Variants in HCN1 observed in about 807,000 individuals in gnomAD.
HCN1 encodes the protein hyperpolarization activated cyclic nucleotide gated potassium channel 1.
In HCN1, 13 loss-of-function variants were observed where a neutral mutation model predicts 78.9. That is an observed-to-expected ratio of 0.16 (90% CI 0.11 to 0.26). The LOEUF (loss-of-function observed/expected upper bound fraction) is 0.26. Among genes scored for constraint, HCN1 ranks in the 10% least tolerant of loss-of-function variants. The pLI, the probability that HCN1 is intolerant of heterozygous loss-of-function variation, is 1.00. For synonymous variants in HCN1, 552 were observed against 455.5 expected (o/e 1.21, Z -2.70); for missense variants, 810 against 1,154.3 (o/e 0.70, Z 4.32).
chr5:45,359,395 A>G (rs1747067216), intron 4 of HCN1, among the ~76,000 whole-genome samples: 1 of 142,858 alleles, frequency 7.0e-6, no homozygotes, highest in African/African-American at 2.7e-5. Flanking sequence ...TTTTACTTTC[A>G]GGAAGCATCA....
chr5:45,355,274 A>G (rs760831808), intron 4 of HCN1, among the ~76,000 whole-genome samples: 2 of 152,064 alleles, frequency 1.3e-5, no homozygotes, highest in Non-Finnish European at 2.9e-5. Context: ...ATTGACTCAT[A>G]GTAACTATTG....
At chr5:45,286,489 C>T (rs1745272545) in intron 6 of HCN1, among the ~76,000 whole-genome samples, 1 of 151,908 alleles carries the variant, frequency 6.6e-6, no homozygotes, top group African/African-American at 2.4e-5. Context: ...AATAAGTCCA[C>T]CACTGCATTG....
chr5:45,530,640 A>G (rs957279463), intron 2 of HCN1, among the ~76,000 whole-genome samples: 9 of 152,068 alleles, frequency 5.9e-5, no homozygotes, highest in Admixed American at 3.9e-4. Context: ...TTATGATCTA[A>G]AGAATACTCT....
chr5:45,373,766 A>T (rs1344996718), intron 4 of HCN1, among the ~76,000 whole-genome samples: 1 of 122,634 alleles, frequency 8.2e-6, no homozygotes, highest in African/African-American at 3.3e-5. Context: ...TATATACGTC[A>T]TCTATAATAT....
chr5:45,304,583 G>A (rs533375354), intron 5 of HCN1, among the ~76,000 whole-genome samples: 4 of 152,124 alleles, frequency 2.6e-5, no homozygotes, highest in Non-Finnish European at 5.9e-5. Flanking sequence ...GGCTGAGGCA[G>A]AGAATTGCTT....
intron 4 of HCN1, among the ~76,000 whole-genome samples, chr5:45,358,678 T>C (rs1747052888): frequency 6.6e-6 from 1 of 152,074 alleles, no homozygotes; most frequent in African/African-American, 2.4e-5. Flanking sequence ...TATACCTCTT[T>C]GACATATTTT....
At chr5:45,320,966 C>A (rs1746113990) in intron 5 of HCN1, among the ~76,000 whole-genome samples, 1 of 151,780 alleles carries the variant, frequency 6.6e-6, no homozygotes, top group Non-Finnish European at 1.5e-5. Flanking sequence ...GATCTTTGGA[C>A]ACTAAACCAA....
intron 1 of HCN1, among the ~76,000 whole-genome samples, chr5:45,678,707 T>C (rs1739644463): frequency 6.6e-6 from 1 of 151,986 alleles, no homozygotes; most frequent in South Asian, 2.1e-4. Context: ...CTAGGAAGAA[T>C]GTTTTCATTG....
intron 6 of HCN1, among the ~76,000 whole-genome samples, chr5:45,270,972 G>A (rs1273913312): frequency 6.6e-6 from 1 of 151,948 alleles, no homozygotes; most frequent in Non-Finnish European, 1.5e-5. Context: ...TATAACATAT[G>A]TAGCATATGT....
At chr5:45,411,536 A>C (rs1412529627) in intron 3 of HCN1, among the ~76,000 whole-genome samples, 1 of 151,824 alleles carries the variant, frequency 6.6e-6, no homozygotes, top group African/African-American at 2.4e-5. Context: ...AATTTAGTGC[A>C]TTCCACTTGA....
chr5:45,682,911 C>A (rs1739730277), intron 1 of HCN1, among the ~76,000 whole-genome samples: 1 of 151,934 alleles, frequency 6.6e-6, no homozygotes, highest in Non-Finnish European at 1.5e-5. Flanking sequence ...TCTTTGCAAT[C>A]TTGTCATATT....
chr5:45,432,376 A>C (rs1018849659), intron 3 of HCN1, among the ~76,000 whole-genome samples: 4 of 152,088 alleles, frequency 2.6e-5, no homozygotes, highest in African/African-American at 9.7e-5. Flanking sequence ...TTTTCTCTGC[A>C]AAGGGATAGT....
intron 1 of HCN1, among the ~76,000 whole-genome samples, chr5:45,672,456 GT>G (rs1746169545): frequency 6.6e-6 from 1 of 150,834 alleles, no homozygotes; most frequent in Admixed American, 6.6e-5. Context: ...AGTATTTATA[GT>G]TGTATTACAA....
chr5:45,429,248 A>C (rs1479874714), intron 3 of HCN1, among the ~76,000 whole-genome samples: 1 of 152,224 alleles, frequency 6.6e-6, no homozygotes, highest in Non-Finnish European at 1.5e-5. Flanking sequence ...AAACCAGCCC[A>C]AAAGTTAGTG....
chr5:45,290,910 C>T (rs1745359411), intron 6 of HCN1, among the ~76,000 whole-genome samples: 1 of 151,868 alleles, frequency 6.6e-6, no homozygotes, highest in Non-Finnish European at 1.5e-5. Flanking sequence ...CTTAAAAGTA[C>T]AGCTTTAATT....
At chr5:45,381,881 T>A (rs755609887) in intron 4 of HCN1, among the ~76,000 whole-genome samples, 11 of 152,168 alleles carry the variant, frequency 7.2e-5, no homozygotes, top group Non-Finnish European at 1.5e-4. Flanking sequence ...TCCCTGCTTA[T>A]ACCTTTCCAA....
In HCN1 at chr5:45,374,598, T is replaced by TA. The variant is rs1001427424; in HGVS notation, c.1231-21353dup. ...AAGAAGTGCTGGTAGCATTTCTACT[T>TA]AAACTATTCCAAAAACTTGGGGAGG... On this transcript the variant is annotated intron_variant, in intron 4 of 7. Transcript: ENST00000303230. 3.2e-4 allele frequency among the ~76,000 whole-genome samples: 48 copies of TA among 150,054 alleles called. 1 individual carries two copies. The highest frequency in any genetic ancestry group is 8.9e-5 in the Non-Finnish European group (6 of 67,556).
intron 3 of HCN1, among the ~76,000 whole-genome samples, chr5:45,439,531 A>C (rs1006480524): frequency 8.5e-5 from 13 of 152,156 alleles, no homozygotes; most frequent in Admixed American, 1.3e-4. Flanking sequence ...CTGTAAATTA[A>C]TGTTATTTTT....
intron 2 of HCN1, among the ~76,000 whole-genome samples, chr5:45,470,602 C>T (rs972130551): frequency 4.6e-5 from 7 of 151,862 alleles, no homozygotes; most frequent in African/African-American, 1.4e-4. Flanking sequence ...TGATAGATCA[C>T]CTTAAGTGCC....
Sources: allele counts gnomAD v4.1 joint callset (sites outside exome capture counted in the v4.1 genomes callset), GRCh38; gene constraint gnomAD v4.1.1; transcripts MANE v1.5; gene names NCBI Gene and HGNC (gene_info 2026-07-23, HGNC 2026-07-21).